Variants in FOXK1 observed in about 807,000 individuals in gnomAD.
FOXK1 encodes forkhead box protein K1.
A neutral mutation model predicts 51.9 loss-of-function variants in FOXK1; 19 were observed. The ratio of observed to expected loss-of-function variants is 0.37; its 90% CI spans 0.26 to 0.54. The LOEUF is 0.54. Among genes scored for constraint, FOXK1 ranks in the 20% least tolerant of loss-of-function variants. FOXK1 has a pLI of 0.87. For synonymous variants in FOXK1, 537 were observed against 482.6 expected, an observed-to-expected ratio of 1.11 and a Z score of -1.48; for missense variants, 870 against 1,032.7, an observed-to-expected ratio of 0.84 and a Z score of 2.16.
In FOXK1 at chr7:4,709,183, C is replaced by T. The variant is rs1186449473; in HGVS notation, c.560+26315C>T. ...GCTGTTGCTGTGCACACTGGGGGCC[C>T]GAGGCCCCAGGATACCCCCGTGCCT... On this transcript the variant is annotated intron_variant, in intron 1 of 8. Transcript: ENST00000328914. This position sits in a 1 kb window ranked among gnomAD's most constrained non-coding sequence, Gnocchi z 5.6. Among the ~76,000 whole-genome samples the T allele has an allele frequency of 2.0e-5, 3 of 152,134 alleles. No homozygotes were observed. The highest frequency in any genetic ancestry group is 4.4e-5 in the Non-Finnish European group (3 of 68,006).
rs565594700 is a variant in FOXK1 at position 4,733,947 on chromosome 7, C to T, written c.561-6891C>T. Among the ~76,000 whole-genome samples, 6 of 149,480 alleles carry T rather than the reference C, an allele frequency of 4.0e-5. No individual in the cohort carries two copies. Among genetic ancestry groups the T allele is most frequent in the African/African-American group, 1.5e-4 (6 of 38,888 alleles). On this transcript the variant is annotated intron_variant, in intron 1 of 8. Coordinates refer to ENST00000328914, the MANE Select transcript of FOXK1 (RefSeq NM_001037165.2). This position sits in a 1 kb window ranked among gnomAD's most constrained non-coding sequence, Gnocchi z 5.0. ...AGCACGCGCCAACCCTGGACTTCCC[C>T]CAGAGCTCATCTGGGTGGCAGGTGC... is the stretch of plus-strand genomic sequence containing the variant.
intron 1 of FOXK1, among the ~76,000 whole-genome samples, chr7:4,712,836 G>C (rs1295316833): frequency 6.6e-6 from 1 of 152,224 alleles, no homozygotes; most frequent in Admixed American, 6.5e-5. Context: ...ACAGCGGCGT[G>C]ATGAGGATGG....
chr7:4,698,531 C>T (rs142255635), intron 1 of FOXK1, among the ~76,000 whole-genome samples: 150 of 152,238 alleles, frequency 9.9e-4, no homozygotes, highest in African/African-American at 3.1e-3. Flanking sequence ...ATGATTAGCT[C>T]ATGTGCAGTC....
chr7:4,756,176 G>A lies in FOXK1; in HGVS notation c.1050+793G>A, dbSNP rs995744140. On this transcript the variant is annotated intron_variant, in intron 4 of 8. Coordinates refer to ENST00000328914, the MANE Select transcript of FOXK1 (RefSeq NM_001037165.2). The surrounding 1 kb of genome is among the most constrained non-coding windows in gnomAD (Gnocchi z 4.1). ...GCCATCCCGGCTGGAGTGTGGTGGC[G>A]CGATCTCAGCTCACTGCAACCTTCG... is the stretch of plus-strand genomic sequence containing the variant. 2.8e-4 allele frequency among the ~76,000 whole-genome samples: 43 copies of A among 152,224 alleles called. No homozygotes were observed. The highest frequency in any genetic ancestry group is 8.9e-4 in the African/African-American group (37 of 41,562).
intron 5 of FOXK1, chr7:4,757,900 G>C (rs1780877128): frequency 6.6e-6 from 1 of 152,066 alleles, no homozygotes; most frequent in Non-Finnish European, 1.5e-5. Context: ...CTTAAAGACT[G>C]CACCATTTTC....
rs527628477 is a variant in FOXK1 at position 4,757,335 on chromosome 7, C to CA, written c.1244+156dup. On this transcript the variant is annotated intron_variant, in intron 5 of 8. Coordinates refer to ENST00000328914, the MANE Select transcript of FOXK1 (RefSeq NM_001037165.2). ...AACTGATCACAGGTCAAAAATATTCCAAAAAAAAGAAGGCCGGCGCGGTGG... is the reference window on the plus strand; with the variant it reads ...AACTGATCACAGGTCAAAAATATTCCAAAAAAAAAGAAGGCCGGCGCGGTGG... 2,281 of 724,512 alleles carry CA rather than the reference C, an allele frequency of 3.1e-3. 5 individuals are homozygous for CA. The highest frequency in any genetic ancestry group is 6.4e-3 in the Admixed American group (194 of 30,144). 44.9% of individuals were successfully genotyped at this position (724,512 alleles called of 1,614,324 possible). A position where few individuals can be genotyped will look rare whatever the true frequency, so the allele number is the denominator to read the frequency against.
Position 4,767,873 on chromosome 7 carries a change from C to T in FOXK1, c.*5409C>T, listed in dbSNP as rs1426493570. On this transcript the variant is annotated 3_prime_UTR_variant, in exon 9 of 9. Transcript: ENST00000328914. This position sits in a 1 kb window ranked among gnomAD's most constrained non-coding sequence, Gnocchi z 6.6. ...GATCTCGGTGGGTACCGCGGCCCCT[C>T]GCAGGGTGGCGAGTGGGGTCCGTGC... The T allele has an allele frequency of 1.3e-5, 2 of 150,616 alleles. No individual in the cohort carries two copies. The highest frequency in any genetic ancestry group is 3.0e-5 in the Non-Finnish European group (2 of 67,646). The allele number at this position is 150,616 out of a possible 1,614,324, so 9.3% of individuals were successfully genotyped here.
Position 4,738,806 on chromosome 7 carries a change from T to C in FOXK1, c.561-2032T>C, listed in dbSNP as rs375821141. Among the ~76,000 whole-genome samples, 32 of 152,274 alleles carry C rather than the reference T, an allele frequency of 2.1e-4. 1 individual carries two copies. Among genetic ancestry groups the C allele is most frequent in the African/African-American group, 7.0e-4 (29 of 41,566 alleles). On this transcript the variant is annotated intron_variant, in intron 1 of 8. Coordinates refer to ENST00000328914, the MANE Select transcript of FOXK1 (RefSeq NM_001037165.2). The stretch of plus-strand genomic sequence containing the variant: ...GCGGCCCAGCCTCCTCTGACCAGTA[T>C]CTCGGGGAGAATCAGGACTGGCCCA...
At chr7:4,704,703 C>T (rs1267107402) in intron 1 of FOXK1, among the ~76,000 whole-genome samples, 2 of 152,096 alleles carry the variant, frequency 1.3e-5, no homozygotes, top group Non-Finnish European at 2.9e-5. Flanking sequence ...ATCACGGGCC[C>T]ATCTGTAGTT....
At chr7:4,754,173 G>A (rs1176903603) in intron 2 of FOXK1, among the ~76,000 whole-genome samples, 2 of 152,292 alleles carry the variant, frequency 1.3e-5, no homozygotes, top group African/African-American at 2.4e-5. Flanking sequence ...CCACAGAGCT[G>A]CCTGACCAGG....
At chr7:4,721,677 C>A (rs376229536) in intron 1 of FOXK1, among the ~76,000 whole-genome samples, 4 of 146,658 alleles carry the variant, frequency 2.7e-5, no homozygotes, top group East Asian at 2.0e-4. Context: ...TGCAACCTCT[C>A]CCTCCTGGAT....
At chr7:4,699,376 GT>G (rs367704367) in intron 1 of FOXK1, among the ~76,000 whole-genome samples, 36 of 136,144 alleles carry the variant, frequency 2.6e-4, no homozygotes, top group African/African-American at 2.4e-4. Context: ...ACAGGGTTAG[GT>G]TTTTTTTTTT....
Position 4,766,016 on chromosome 7 carries a change from T to A in FOXK1, c.*3552T>A, listed in dbSNP as rs1781005679. ...AGGAGCTCAGGGAGACCTGGCTGTC[T>A]AGGGCATGGTACCCAGTATCCCGGT... On this transcript the variant is annotated 3_prime_UTR_variant, in exon 9 of 9. Coordinates refer to ENST00000328914, the MANE Select transcript of FOXK1 (RefSeq NM_001037165.2). This position sits in a 1 kb window ranked among gnomAD's most constrained non-coding sequence, Gnocchi z 5.5. 6.6e-6 allele frequency: 1 copy of A among 152,268 alleles called. No homozygotes were observed. Among genetic ancestry groups the A allele is most frequent in the Non-Finnish European group, 1.5e-5 (1 of 68,084 alleles). The allele number at this position is 152,268 out of a possible 1,614,324, so 9.4% of individuals were successfully genotyped here.
intron 1 of FOXK1, among the ~76,000 whole-genome samples, chr7:4,702,918 G>A (rs898728150): frequency 2.6e-5 from 4 of 152,112 alleles, no homozygotes; most frequent in East Asian, 3.9e-4. Context: ...CAGCCTGCCC[G>A]CCCTACCCAG....
intron 1 of FOXK1, among the ~76,000 whole-genome samples, chr7:4,712,703 T>C (rs1780190008): frequency 6.6e-6 from 1 of 152,204 alleles, no homozygotes. Flanking sequence ...CCGATCCTCT[T>C]ACCTCGCTCA....
chr7:4,759,324 C>T lies in FOXK1; in HGVS notation c.1425C>T (p.Ser475=). ...YSQSAPGSPV[S]AQPVIMAVPP... is the part of the protein sequence containing the mutation. ...CCCTCCGTGCAGGCTCCCCCGTCAG[C>T]GCCCAGCCAGTGATCATGGCCGTGC... Residue 475 remains serine, a synonymous_variant, in exon 7 of 9, where the codon AGC becomes AGT. Transcript: ENST00000328914. The T allele has an allele frequency of 2.5e-6, 4 of 1,600,590 alleles. No individual in the cohort carries two copies. The highest frequency in any genetic ancestry group is 3.4e-6 in the Non-Finnish European group (4 of 1,178,044).
Position 4,682,392 on chromosome 7 carries a change from A to AGCCGCCGCC in FOXK1, c.91_99dup (p.Ala31_Ala33dup), listed in dbSNP as rs947340031. 3 of 980,274 alleles carry AGCCGCCGCC rather than the reference A, an allele frequency of 3.1e-6. No homozygotes were observed. Among genetic ancestry groups the AGCCGCCGCC allele is most frequent in the African/African-American group, 1.8e-5 (1 of 56,130 alleles). 60.7% of individuals were successfully genotyped at this position (980,274 alleles called of 1,614,324 possible). A position where few individuals can be genotyped will look rare whatever the true frequency, so the allele number is the denominator to read the frequency against. On this transcript the variant is annotated inframe_insertion, in exon 1 of 9. Coordinates refer to ENST00000328914, the MANE Select transcript of FOXK1 (RefSeq NM_001037165.2). The surrounding 1 kb of genome is among the most constrained non-coding windows in gnomAD (Gnocchi z 7.6). The stretch of plus-strand genomic sequence containing the variant: ...CCTGCAGCCCAGTGCTGTGCGCCGC[A>AGCCGCCGCC]GCCGCCGCCGCCGCCTTCCCCGCGG...
chr7:4,703,783 T>G lies in FOXK1; in HGVS notation c.560+20915T>G, dbSNP rs1780049104. On this transcript the variant is annotated intron_variant, in intron 1 of 8. Coordinates refer to ENST00000328914, the MANE Select transcript of FOXK1 (RefSeq NM_001037165.2). This position sits in a 1 kb window ranked among gnomAD's most constrained non-coding sequence, Gnocchi z 5.6. ...AGCATCGTGACTAGATAAAAGTAGG[T>G]GAAAAGGGAATCGCAGCCTGCCGAG... Among the ~76,000 whole-genome samples the G allele has an allele frequency of 6.6e-6, 1 of 151,558 alleles. No homozygotes were observed. The highest frequency in any genetic ancestry group is 1.5e-5 in the Non-Finnish European group (1 of 67,908).
Position 4,762,212 on chromosome 7 carries a change from G to T in FOXK1, c.1950G>T (p.Ala650=), listed in dbSNP as rs1464973851. 3.2e-6 allele frequency: 5 copies of T among 1,554,616 alleles called. No individual in the cohort carries two copies. Among genetic ancestry groups the T allele is most frequent in the Admixed American group, 1.9e-5 (1 of 52,244 alleles). The change falls in exon 9 of 9, where the codon GCG becomes GCT. Residue 650 remains alanine, a synonymous_variant. Transcript: ENST00000328914. The surrounding 1 kb of genome is among the most constrained non-coding windows in gnomAD (Gnocchi z 5.7). The part of the protein sequence containing the change: ...YALTSPLQLL[A]TQASSSAPVV... ...TCACCAGCCCTTTGCAGCTCCTTGC[G>T]ACCCAAGCGAGTTCATCCGCGCCGG... is the stretch of plus-strand genomic sequence containing the variant.
Sources: allele counts gnomAD v4.1 joint callset (sites outside exome capture counted in the v4.1 genomes callset), GRCh38; gene constraint gnomAD v4.1.1; non-coding constraint Gnocchi (gnomAD v3.1); transcripts MANE v1.5; gene names NCBI Gene and HGNC (gene_info 2026-07-23, HGNC 2026-07-21).